The following CXCL13 variants were observed in gnomAD, a reference collection of about 807,000 sequenced individuals.
The protein encoded by CXCL13 is C-X-C motif chemokine ligand 13, also known as C-X-C motif chemokine 13.
In CXCL13, 7 loss-of-function variants were observed where a neutral mutation model predicts 12.2. That is an observed-to-expected ratio of 0.57 (90% CI 0.33 to 1.07). CXCL13 has a LOEUF of 1.07. Among genes scored for constraint, CXCL13 ranks in the 50% least tolerant of loss-of-function variants. The pLI is 0.04. For missense variants in CXCL13, 113 were observed against 127.4 expected (o/e 0.89, Z 0.55); for synonymous variants, 47 against 42.4 (o/e 1.11, Z -0.42).
intron 1 of CXCL13, among the ~76,000 whole-genome samples, chr4:77,516,043 T>A (rs1578030896): frequency 1.3e-5 from 2 of 152,196 alleles, no homozygotes; most frequent in Non-Finnish European, 2.9e-5. Context: ...GTCAAAGGCC[T>A]TTTCTGCATC....
chr4:77,600,266 G>A (rs1252299982), intron 1 of CXCL13, among the ~76,000 whole-genome samples: 1 of 152,070 alleles, frequency 6.6e-6, no homozygotes, highest in African/African-American at 2.4e-5. Flanking sequence ...AGTACACAGT[G>A]AGAGGAGCGG....
At chr4:77,567,194 C>CA (rs985981956) in intron 1 of CXCL13, among the ~76,000 whole-genome samples, 2 of 152,124 alleles carry the variant, frequency 1.3e-5, no homozygotes, top group Admixed American at 6.5e-5. Flanking sequence ...CCCCTGCCCA[C>CA]AAAAAAATTG....
intron 1 of CXCL13, among the ~76,000 whole-genome samples, chr4:77,598,607 T>C (rs1037065204): frequency 6.6e-6 from 1 of 152,152 alleles, no homozygotes; most frequent in African/African-American, 2.4e-5. Flanking sequence ...TTATGGAATC[T>C]GGAAGATGCC....
intron 1 of CXCL13, among the ~76,000 whole-genome samples, chr4:77,516,547 T>C (rs2110077848): frequency 6.6e-6 from 1 of 152,328 alleles, no homozygotes; most frequent in South Asian, 2.1e-4. Context: ...AGAGTGTATG[T>C]GTGGAGGAAT....
At chr4:77,570,133 A>T (rs190531884) in intron 1 of CXCL13, among the ~76,000 whole-genome samples, 1 of 152,356 alleles carries the variant, frequency 6.6e-6, no homozygotes, top group African/African-American at 2.4e-5. Flanking sequence ...TTCAACATGG[A>T]TTAAAGACTT....
rs576671654 is a variant in CXCL13, at chr4:77,562,367, G to A, written c.-42-43457G>A. 1.1e-4 allele frequency among the ~76,000 whole-genome samples: 17 copies of A among 152,112 alleles called. No individual in the cohort carries two copies. The East Asian group carries it at 1.8e-3, about 16-fold the overall frequency. On this transcript the variant is annotated intron_variant, in intron 1 of 4. Transcript: ENST00000286758. ...ATTGGCAGGAAGCTCCACCTGCACC[G>A]GGGTGCAGGATCCACCAGGTGAAGC...
intron 1 of CXCL13, among the ~76,000 whole-genome samples, chr4:77,526,516 GA>G (rs1452644543): frequency 3.3e-5 from 5 of 151,874 alleles, no homozygotes; most frequent in African/African-American, 1.2e-4. Context: ...CTCAAAGGGG[GA>G]AAAGTCCATG....
chr4:77,533,739 A>T lies in CXCL13; in HGVS notation c.-43+21951A>T, dbSNP rs141490075. 6.5e-3 allele frequency among the ~76,000 whole-genome samples: 990 copies of T among 151,750 alleles called. 19 individuals carry two copies. Among genetic ancestry groups the T allele is most frequent in the East Asian group, 0.026 (136 of 5,134 alleles). ...TACTCAAGCCTCAGCAATGGCGGGC[A>T]CCCCTCCCCCAGCCTCGCTGCCACC... is the stretch of plus-strand genomic sequence containing the variant. On this transcript the variant is annotated intron_variant, in intron 1 of 4. Transcript: ENST00000286758.
intron 1 of CXCL13, among the ~76,000 whole-genome samples, chr4:77,548,349 G>A (rs1725426910): frequency 6.6e-6 from 1 of 152,224 alleles, no homozygotes; most frequent in Non-Finnish European, 1.5e-5. Flanking sequence ...ACACATTTGA[G>A]TTGCACTCAT....
upstream of CXCL13, among the ~76,000 whole-genome samples, chr4:77,605,493 G>T (rs775329723): frequency 6.6e-6 from 1 of 151,952 alleles, no homozygotes; most frequent in Non-Finnish European, 1.5e-5. Flanking sequence ...GGCTCACCCT[G>T]CACTGAGAGA....
intron 2 of CXCL13, among the ~76,000 whole-genome samples, chr4:77,610,048 C>A (rs907799003): frequency 2.6e-5 from 4 of 152,168 alleles, no homozygotes; most frequent in African/African-American, 9.7e-5. Context: ...ATTATTGCTG[C>A]CACTTTTGCT....
At chr4:77,579,726 A>G (rs1165272668) in intron 1 of CXCL13, among the ~76,000 whole-genome samples, 7 of 152,046 alleles carry the variant, frequency 4.6e-5, no homozygotes, top group Non-Finnish European at 1.0e-4. Flanking sequence ...AAAATGATGT[A>G]CTCAGCTACC....
At chr4:77,596,698 T>C (rs900991953) in intron 1 of CXCL13, among the ~76,000 whole-genome samples, 3 of 148,184 alleles carry the variant, frequency 2.0e-5, no homozygotes, top group African/African-American at 5.0e-5. Flanking sequence ...GGCAGGAGAA[T>C]CATTGGAACC....
In CXCL13 at chr4:77,513,438, C is replaced by T. The variant is rs565143655; in HGVS notation, c.-43+1650C>T. On this transcript the variant is annotated intron_variant, in intron 1 of 4. Transcript: ENST00000286758. Reference sequence around the variant, plus strand: ...TCCTATTTCTCCACATCCTCTCCAGCATCTGTTGTTTCCTGACTTTTTTTT... The same window carrying T: ...TCCTATTTCTCCACATCCTCTCCAGTATCTGTTGTTTCCTGACTTTTTTTT... Among the ~76,000 whole-genome samples the T allele has an allele frequency of 1.9e-4, 29 of 151,962 alleles. No individual in the cohort carries two copies. In the South Asian group the frequency reaches 6.0e-3, roughly 32 times the overall value.
At chr4:77,545,428 A>G (rs1034055865) in intron 1 of CXCL13, among the ~76,000 whole-genome samples, 4 of 152,138 alleles carry the variant, frequency 2.6e-5, no homozygotes, top group Non-Finnish European at 4.4e-5. Flanking sequence ...TTCCTTGAGC[A>G]GTGGTTTGTA....
chr4:77,571,663 G>A (rs1291733172), intron 1 of CXCL13, among the ~76,000 whole-genome samples: 3 of 151,786 alleles, frequency 2.0e-5, no homozygotes, highest in Non-Finnish European at 2.9e-5. Flanking sequence ...AAGCCACTGG[G>A]CTCTACCAAT....
intron 1 of CXCL13, among the ~76,000 whole-genome samples, chr4:77,566,553 C>T (rs960197677): frequency 2.0e-5 from 3 of 150,884 alleles, no homozygotes; most frequent in African/African-American, 5.0e-5. Context: ...ACCATCAAAC[C>T]TGTTTTAAAT....
At chr4:77,521,049 G>A (rs1390078774) in intron 1 of CXCL13, among the ~76,000 whole-genome samples, 3 of 152,170 alleles carry the variant, frequency 2.0e-5, no homozygotes. Flanking sequence ...AACCAGCCTT[G>A]CATCCCAGGG....
chr4:77,557,045 A>C (rs1725675920), intron 1 of CXCL13, among the ~76,000 whole-genome samples: 1 of 152,202 alleles, frequency 6.6e-6, no homozygotes, highest in African/African-American at 2.4e-5. Flanking sequence ...AGAGAGAGAG[A>C]GAGAGAAAAG....
Sources: allele counts gnomAD v4.1 joint callset (sites outside exome capture counted in the v4.1 genomes callset), GRCh38; gene constraint gnomAD v4.1.1; transcripts MANE v1.5; gene names NCBI Gene and HGNC (gene_info 2026-07-23, HGNC 2026-07-21).